RNF217: variants seen among roughly 807,000 people sequenced by gnomAD.
RNF217 encodes ring finger protein 217, also known as E3 ubiquitin-protein ligase RNF217.
A neutral mutation model predicts 57.8 loss-of-function variants in RNF217; 31 were observed. The observed-to-expected ratio is 0.54, with a 90% CI of 0.40 to 0.72. RNF217 has a LOEUF of 0.72. Ranked by LOEUF, RNF217 falls within the 30% of genes least tolerant of loss-of-function variation. The probability of loss-of-function intolerance (pLI) is 0.00; values close to 1 mark genes in which losing one functional copy is unlikely to be tolerated. For missense variants in RNF217, 696 were observed against 708.3 expected (o/e 0.98, Z 0.20); for synonymous variants, 313 against 294.0 (o/e 1.06, Z -0.66).
intron 1 of RNF217, among the ~76,000 whole-genome samples, chr6:125,038,092 T>G (rs1359967951): frequency 6.6e-6 from 1 of 152,188 alleles, no homozygotes; most frequent in Non-Finnish European, 1.5e-5. Context: ...CCATGTAGCT[T>G]GAACGTTAAG....
chr6:125,019,143 C>T (rs1192104464), intron 1 of RNF217, among the ~76,000 whole-genome samples: 2 of 152,158 alleles, frequency 1.3e-5, no homozygotes, highest in Non-Finnish European at 2.9e-5. Flanking sequence ...AGTTAGCTTC[C>T]TACTGCATCT....
At chr6:124,970,020 C>T (rs569087222) in intron 1 of RNF217, among the ~76,000 whole-genome samples, 42 of 152,176 alleles carry the variant, frequency 2.8e-4, no homozygotes, top group Admixed American at 1.9e-3. Flanking sequence ...TTCCAGGAAT[C>T]GCAAGGAGAT....
chr6:125,087,016 A>T lies in RNF217; in HGVS notation c.*4079A>T, dbSNP rs1208460699. ...CCTCTTCAACCTCATTTTTCTCCAT[A>T]CCTCTGCTATTCTAACTATTCCTCT... On this transcript the variant is annotated 3_prime_UTR_variant, in exon 6 of 6. Coordinates refer to ENST00000521654, the MANE Select transcript of RNF217 (RefSeq NM_001286398.3). The T allele has an allele frequency of 6.6e-6, 1 of 151,734 alleles. No individual in the cohort carries two copies. The highest frequency in any genetic ancestry group is 1.5e-5 in the Non-Finnish European group (1 of 67,936). The allele number at this position is 151,734 out of a possible 1,614,324, so 9.4% of individuals were successfully genotyped here. A position where few individuals can be genotyped will look rare whatever the true frequency, so the allele number is the denominator to read the frequency against.
intron 4 of RNF217, among the ~76,000 whole-genome samples, chr6:125,080,320 T>C (rs779662342): frequency 2.6e-5 from 4 of 152,150 alleles, no homozygotes; most frequent in Non-Finnish European, 4.4e-5. Context: ...CTTTTTAAAT[T>C]AGATATTTAA....
Position 125,038,739 on chromosome 6 carries a change from A to G in RNF217, c.883-6472A>G, listed in dbSNP as rs192885714. On this transcript the variant is annotated intron_variant, in intron 1 of 5. Coordinates refer to ENST00000521654, the MANE Select transcript of RNF217 (RefSeq NM_001286398.3). ...TCTATGAAGGCAGGATTCACGGCTTAATTCACTTTATACTATGGACTTTTT... is the reference window on the plus strand; with the variant it reads ...TCTATGAAGGCAGGATTCACGGCTTGATTCACTTTATACTATGGACTTTTT... 1.2e-3 allele frequency among the ~76,000 whole-genome samples: 181 copies of G among 152,282 alleles called. 1 individual carries two copies. The highest frequency in any genetic ancestry group is 4.4e-3 in the Admixed American group (68 of 15,288).
chr6:125,082,992 G>T lies in RNF217; in HGVS notation c.*55G>T. The T allele has an allele frequency of 1.7e-6, 2 of 1,210,942 alleles. No individual in the cohort carries two copies. Among genetic ancestry groups the T allele is most frequent in the Non-Finnish European group, 2.3e-6 (2 of 860,656 alleles). 75.0% of individuals were successfully genotyped at this position (1,210,942 alleles called of 1,614,324 possible). On this transcript the variant is annotated 3_prime_UTR_variant, in exon 6 of 6. Transcript: ENST00000521654. ...GTTGGAGTAGGAGCGATACCAAAGGGTACACCCATCTGTGAGTCACATCTT... is the reference window on the plus strand; with the variant it reads ...GTTGGAGTAGGAGCGATACCAAAGGTTACACCCATCTGTGAGTCACATCTT...
At chr6:125,070,547 G>A (rs539706503) in intron 3 of RNF217, among the ~76,000 whole-genome samples, 1 of 152,286 alleles carries the variant, frequency 6.6e-6, no homozygotes, top group African/African-American at 2.4e-5. Flanking sequence ...TCTTGTAGGA[G>A]TAAGGTGGTA....
At chr6:124,978,092 C>G (rs1486311130) in intron 1 of RNF217, among the ~76,000 whole-genome samples, 3 of 152,036 alleles carry the variant, frequency 2.0e-5, no homozygotes, top group East Asian at 3.9e-4. Context: ...TAAAGATAAA[C>G]AATGTGTCCC....
rs1006327866 is a variant in RNF217 at position 125,086,927 on chromosome 6, A to G, written c.*3990A>G. ...TATCTTTCAACCTTACCACCCAAGT[A>G]TATGACCAACTGTTCTCCTAAAATA... On this transcript the variant is annotated 3_prime_UTR_variant, in exon 6 of 6. Transcript: ENST00000521654. The G allele has an allele frequency of 6.6e-6, 1 of 152,108 alleles. No individual in the cohort carries two copies. Among genetic ancestry groups the G allele is most frequent in the African/African-American group, 2.4e-5 (1 of 41,438 alleles). 9.4% of individuals were successfully genotyped at this position (152,108 alleles called of 1,614,324 possible).
At chr6:125,012,651 T>C (rs9388399) in intron 1 of RNF217, among the ~76,000 whole-genome samples, 39,326 of 152,066 alleles carry the variant, frequency 0.26, 5,682 homozygotes, top group East Asian at 0.46. Context: ...TCCTATGTTT[T>C]CCTTTGGTGC....
intron 1 of RNF217, among the ~76,000 whole-genome samples, chr6:125,027,855 G>C (rs1369968250): frequency 6.6e-6 from 1 of 152,054 alleles, no homozygotes. Context: ...TTTTAACTGG[G>C]GTGAGACGGT....
At chr6:124,966,688 G>T (rs1783555999) in intron 1 of RNF217, among the ~76,000 whole-genome samples, 1 of 152,120 alleles carries the variant, frequency 6.6e-6, no homozygotes, top group African/African-American at 2.4e-5. Context: ...CTATTGCCTG[G>T]TTAACTGAAT....
intron 2 of RNF217, 117 bp downstream of exon 2, chr6:125,045,561 A>G (rs1787065863): frequency 5.8e-6 from 4 of 687,580 alleles, no homozygotes; most frequent in Admixed American, 2.9e-5. Flanking sequence ...GAAGGTGAGC[A>G]TATATTGGCC....
chr6:125,022,798 TTATG>T (rs1026841680), intron 1 of RNF217, among the ~76,000 whole-genome samples: 2 of 152,130 alleles, frequency 1.3e-5, no homozygotes, highest in African/African-American at 4.8e-5. Flanking sequence ...TCCCTTTAAT[TTATG>T]TCCCTTGGAC....
rs909712930 is a variant in RNF217, at chr6:125,086,086, A to G, written c.*3149A>G. On this transcript the variant is annotated 3_prime_UTR_variant, in exon 6 of 6. Transcript: ENST00000521654. ...TATATTTTTGTCACCTTGCATGAAC[A>G]TATCCATAAGGTTGTACATTTGTTT... 1.3e-5 allele frequency: 2 copies of G among 152,050 alleles called. No homozygotes were observed. The highest frequency in any genetic ancestry group is 2.9e-5 in the Non-Finnish European group (2 of 67,926). The allele number at this position is 152,050 out of a possible 1,614,324, so 9.4% of individuals were successfully genotyped here.
intron 1 of RNF217, among the ~76,000 whole-genome samples, chr6:124,988,360 CT>C (rs1784432589): frequency 6.6e-6 from 1 of 152,172 alleles, no homozygotes; most frequent in African/African-American, 2.4e-5. Context: ...TGCAATAAAA[CT>C]TTACGACTGC....
Position 125,084,447 on chromosome 6 carries a change from T to C in RNF217, c.*1510T>C, listed in dbSNP as rs1788711203. 6.6e-6 allele frequency: 1 copy of C among 151,986 alleles called. No individual in the cohort carries two copies. The highest frequency in any genetic ancestry group is 2.4e-5 in the African/African-American group (1 of 41,416). 9.4% of individuals were successfully genotyped at this position (151,986 alleles called of 1,614,324 possible). ...CTAAAAAGCCTAAAGCTTTAAATTGTCTCCAAATTCTTAAAATTAGTCATC... is the reference window on the plus strand; with the variant it reads ...CTAAAAAGCCTAAAGCTTTAAATTGCCTCCAAATTCTTAAAATTAGTCATC... On this transcript the variant is annotated 3_prime_UTR_variant, in exon 6 of 6. Transcript: ENST00000521654.
chr6:124,973,187 C>G (rs377167236), intron 1 of RNF217, among the ~76,000 whole-genome samples: 4 of 152,260 alleles, frequency 2.6e-5, no homozygotes, highest in African/African-American at 9.6e-5. Context: ...ACATAGAGAT[C>G]CCAGCTCATA....
chr6:124,973,526 A>G (rs945623424), intron 1 of RNF217, among the ~76,000 whole-genome samples: 9 of 152,254 alleles, frequency 5.9e-5, no homozygotes, highest in African/African-American at 2.2e-4. Context: ...TGCTCAATAA[A>G]TATTTGTTAA....
Sources: gnomAD v4.1 joint callset for allele counts (sites outside exome capture counted in the v4.1 genomes callset) on GRCh38, gnomAD v4.1.1 for gene constraint, MANE v1.5 for transcripts, NCBI Gene and HGNC (gene_info 2026-07-23, HGNC 2026-07-21) for gene names.